The following CYP24A1 variants were observed in gnomAD, a reference collection of about 807,000 sequenced individuals.
CYP24A1 encodes 1,25-dihydroxyvitamin D(3) 24-hydroxylase, mitochondrial.
A neutral mutation model predicts 62.4 loss-of-function variants in CYP24A1; 68 were observed. The ratio of observed to expected loss-of-function variants is 1.09; its 90% CI spans 0.90 to 1.33. The LOEUF (loss-of-function observed/expected upper bound fraction) is 1.33, where lower values mean the gene tolerates loss of function less well. CYP24A1 is among the 40% of genes most tolerant of loss of function. The pLI is 0.00. For missense variants in CYP24A1, 787 were observed against 653.0 expected (o/e 1.21, Z -2.24); for synonymous variants, 267 against 253.0 (o/e 1.06, Z -0.52).
At position 54,162,220 on chromosome 20, in the gene CYP24A1, C is replaced by CTTTTT. The variant is rs530338632; in HGVS notation, c.990+492_990+496dup. On this transcript the variant is annotated intron_variant, in intron 7 of 11. Coordinates refer to ENST00000216862, the MANE Select transcript of CYP24A1 (RefSeq NM_000782.5). ...ATTATTGGCTTGAAAGAGAGTATGC[C>CTTTTT]TTTTTTTTTTTTTTTTTTTTTTTTT... 1.6e-3 allele frequency among the ~76,000 whole-genome samples: 119 copies of CTTTTT among 72,544 alleles called. 4 individuals carry two copies. The highest frequency in any genetic ancestry group is 6.6e-3 in the African/African-American group (104 of 15,874). The allele number at this position is 72,544 out of a possible 152,430, so 47.6% of individuals were successfully genotyped here.
At position 54,159,809 on chromosome 20, in the gene CYP24A1, G is replaced by A. The variant is rs148770747; in HGVS notation, c.991-686C>T. On this transcript the variant is annotated intron_variant, in intron 7 of 11. Transcript: ENST00000216862. The stretch of plus-strand genomic sequence containing the variant: ...TTTCAGATTGTGACAACGTTTTCTC[G>A]TTAGACAGGACATTACTATTAGTGG... Among the ~76,000 whole-genome samples, 22 of 152,294 alleles carry A rather than the reference G, an allele frequency of 1.4e-4. No individual in the cohort carries two copies. In the East Asian group the frequency reaches 2.3e-3, roughly 16 times the overall value.
At chr20:54,151,205 G>A (rs1320122629), downstream of CYP24A1, among the ~76,000 whole-genome samples, 3 of 152,142 alleles carry the variant, frequency 2.0e-5, no homozygotes, top group African/African-American at 7.2e-5. Context: ...GGCAATTCCC[G>A]GAACTGAGGG....
rs1430575207 is a variant in CYP24A1 at position 54,157,595 on chromosome 20, T to A, written c.1237-10A>T. 2.7e-6 allele frequency: 4 copies of A among 1,458,454 alleles called. No homozygotes were observed. In the Admixed American group the frequency reaches 6.7e-5, roughly 24 times the overall value. The allele number at this position is 1,458,454 out of a possible 1,614,324, so 90.3% of individuals were successfully genotyped here. A position where few individuals can be genotyped will look rare whatever the true frequency, so the allele number is the denominator to read the frequency against. ...TTAGCATGAGCACTGTCTAAACACA[T>A]GCAGAGACACATAGTATTTAAAATA... On this transcript the variant is annotated splice_polypyrimidine_tract_variant and intron_variant, in intron 9 of 11. Coordinates refer to ENST00000216862, the MANE Select transcript of CYP24A1 (RefSeq NM_000782.5).
chr20:54,159,061 C>T lies in CYP24A1; in HGVS notation c.1053G>A (p.Lys351=), dbSNP rs1434429236. Residue 351 remains lysine, a synonymous_variant, in exon 8 of 12, where the codon AAG becomes AAA. Coordinates refer to ENST00000216862, the MANE Select transcript of CYP24A1 (RefSeq NM_000782.5). ...ATACACTTTGAATTTCCTTAAGAAG[C>T]TTTTGTTGCACTTGGGGATTACGGG... is the stretch of plus-strand genomic sequence containing the variant. ...NLSRNPQVQQ[K]LLKEIQSVLP... is the part of the protein sequence containing the mutation. The T allele has an allele frequency of 4.3e-6, 7 of 1,613,964 alleles. No individual in the cohort carries two copies. The highest frequency in any genetic ancestry group is 5.9e-6 in the Non-Finnish European group (7 of 1,179,972).
the CYP24A1 span, among the ~76,000 whole-genome samples, chr20:54,145,435 T>C: frequency 6.6e-6 from 1 of 151,954 alleles, no homozygotes; most frequent in African/African-American, 2.4e-5. Flanking sequence ...AGGTCAGGAG[T>C]TGGAGACCAG....
At chr20:54,167,933 A>T (rs2092678041) in intron 4 of CYP24A1, among the ~76,000 whole-genome samples, 1 of 152,166 alleles carries the variant, frequency 6.6e-6, no homozygotes, top group Non-Finnish European at 1.5e-5. Flanking sequence ...TGCTGAATAC[A>T]TTCCCGCAGC....
intron 7 of CYP24A1, among the ~76,000 whole-genome samples, chr20:54,161,475 G>A (rs1167917919): frequency 2.6e-5 from 4 of 152,058 alleles, no homozygotes; most frequent in Admixed American, 6.6e-5. Flanking sequence ...GGGAACCCTT[G>A]TCTCTGGTTC....
chr20:54,152,501 T>G (rs958581653), downstream of CYP24A1, among the ~76,000 whole-genome samples: 1 of 152,138 alleles, frequency 6.6e-6, no homozygotes, highest in South Asian at 2.1e-4. Flanking sequence ...CCCTGTGGGA[T>G]CTAAGTCATC....
chr20:54,162,077 G>C (rs1413125757), intron 7 of CYP24A1, among the ~76,000 whole-genome samples: 1 of 152,148 alleles, frequency 6.6e-6, no homozygotes, highest in Non-Finnish European at 1.5e-5. Context: ...CTCCTAGGGA[G>C]TATCGGCCAC....
downstream of CYP24A1, among the ~76,000 whole-genome samples, chr20:54,152,995 C>T (rs1471052385): frequency 1.3e-5 from 2 of 152,184 alleles, no homozygotes; most frequent in African/African-American, 4.8e-5. Context: ...GTAGGTCTTT[C>T]ATTGTGAAAT....
At chr20:54,155,731 T>C (rs1010838876) in intron 11 of CYP24A1, among the ~76,000 whole-genome samples, 2 of 46,392 alleles carry the variant, frequency 4.3e-5, no homozygotes, top group African/African-American at 2.1e-4. Context: ...TGTGAGACAC[T>C]GTCTCAAAAA....
At chr20:54,172,096 A>G in intron 2 of CYP24A1, 1 of 273,364 alleles carries the variant, frequency 3.7e-6, no homozygotes, top group South Asian at 4.2e-5. Flanking sequence ...CTTCATATTT[A>G]CAAAATATCT....
Position 54,154,764 on chromosome 20 carries a change from A to G in CYP24A1, c.*11-3T>C, listed in dbSNP as rs1256950686. ...ATGATGTTAGCAAATACCACCATCT[A>G]GAAAGACAGTACAGCTTCTGGAACA... is the stretch of plus-strand genomic sequence containing the variant. On this transcript the variant is annotated splice_region_variant and splice_polypyrimidine_tract_variant and intron_variant, in intron 11 of 11. Coordinates refer to ENST00000216862, the MANE Select transcript of CYP24A1 (RefSeq NM_000782.5). The G allele has an allele frequency of 1.3e-5, 2 of 152,596 alleles. No individual in the cohort carries two copies. The highest frequency in any genetic ancestry group is 4.8e-5 in the African/African-American group (2 of 41,426). The allele number at this position is 152,596 out of a possible 1,614,324, so 9.5% of individuals were successfully genotyped here. A position where few individuals can be genotyped will look rare whatever the true frequency, so the allele number is the denominator to read the frequency against.
the CYP24A1 span, among the ~76,000 whole-genome samples, chr20:54,145,828 A>G: frequency 1.0e-3 from 153 of 152,314 alleles, no homozygotes; most frequent in African/African-American, 3.6e-3. Context: ...CGCCACACTT[A>G]AAGGGAGGAA....
At chr20:54,169,813 T>A in intron 3 of CYP24A1, 125 bp from the exon 4 acceptor site, 1 of 1,535,190 alleles carries the variant, frequency 6.5e-7, no homozygotes, top group Non-Finnish European at 8.7e-7. Context: ...ATGTTATTCA[T>A]CCTGAAGTCA....
chr20:54,148,639 A>T (rs1477974012), downstream of CYP24A1, among the ~76,000 whole-genome samples: 1 of 152,108 alleles, frequency 6.6e-6, no homozygotes, highest in Non-Finnish European at 1.5e-5. Context: ...CAACATGTCA[A>T]AACAAACAAA....
At chr20:54,164,801 A>T (rs2092665314) in intron 5 of CYP24A1, among the ~76,000 whole-genome samples, 1 of 151,792 alleles carries the variant, frequency 6.6e-6, no homozygotes, top group African/African-American at 2.4e-5. Flanking sequence ...TGTGTTTGAT[A>T]AAAATTGTAA....
At chr20:54,165,558 T>C (rs2092668606) in intron 5 of CYP24A1, among the ~76,000 whole-genome samples, 184 bp downstream of exon 5, 1 of 152,138 alleles carries the variant, frequency 6.6e-6, no homozygotes, top group Non-Finnish European at 1.5e-5. Context: ...GCCAAAAAGG[T>C]TGGAGACAGC....
intron 11 of CYP24A1, 94 bp downstream of exon 11, chr20:54,157,075 G>T: frequency 1.4e-6 from 1 of 717,486 alleles, no homozygotes; most frequent in South Asian, 1.5e-5. Context: ...GGTGAGCTGG[G>T]ATTCAAACCC....
Sources: gnomAD v4.1 joint callset for allele counts (sites outside exome capture counted in the v4.1 genomes callset) on GRCh38, gnomAD v4.1.1 for gene constraint, MANE v1.5 for transcripts, NCBI Gene and HGNC (gene_info 2026-07-23, HGNC 2026-07-21) for gene names.